The following RDH12 variants were observed in gnomAD, a reference collection of about 807,000 sequenced individuals.
RDH12 encodes retinol dehydrogenase 12, also known as all-trans and 9-cis retinol dehydrogenase.
Under a neutral mutation model 34.0 loss-of-function variants are expected in RDH12, and 21 were observed. The ratio of observed to expected loss-of-function variants is 0.62; its 90% confidence interval spans 0.44 to 0.89. The LOEUF is 0.89. Ranked by LOEUF, RDH12 falls within the 40% of genes least tolerant of loss-of-function variation. The pLI, the probability that RDH12 is intolerant of heterozygous loss-of-function variation, is 0.00. For missense variants in RDH12, 394 were observed against 398.6 expected, an observed-to-expected ratio of 0.99 and a Z score of 0.10; for synonymous variants, 198 against 169.9, an observed-to-expected ratio of 1.17 and a Z score of -1.29.
chr14:67,717,317 C>A (rs1163892368), intron 1 of RDH12, among the ~76,000 whole-genome samples: 2 of 152,148 alleles, frequency 1.3e-5, no homozygotes, highest in Admixed American at 1.3e-4. Context: ...TATGTGTACA[C>A]AGATCCCAGC....
intron 1 of RDH12, among the ~76,000 whole-genome samples, chr14:67,707,349 A>G (rs1021105361): frequency 2.0e-5 from 3 of 152,206 alleles, no homozygotes; most frequent in African/African-American, 7.2e-5. Flanking sequence ...CCAGTTTCCC[A>G]TTTTTACTAA....
At chr14:67,721,702 C>G (rs541262779) in intron 2 of RDH12, among the ~76,000 whole-genome samples, 2 of 150,678 alleles carry the variant, frequency 1.3e-5, no homozygotes, top group African/African-American at 4.9e-5. Context: ...TTTCGTTTTC[C>G]ACCAATGTAA....
At chr14:67,732,129 A>C (rs1478529563) in intron 8 of RDH12, among the ~76,000 whole-genome samples, 13 of 118,314 alleles carry the variant, frequency 1.1e-4, no homozygotes, top group African/African-American at 3.9e-4. Context: ...TCTGTCTCAA[A>C]AAAAAAAAAA....
At chr14:67,722,043 T>G (rs1475230117) in intron 2 of RDH12, among the ~76,000 whole-genome samples, 1 of 152,152 alleles carries the variant, frequency 6.6e-6, no homozygotes, top group Non-Finnish European at 1.5e-5. Context: ...AGCACACCCA[T>G]GTACTAGCAC....
chr14:67,719,799 TAA>T (rs1217481027), intron 1 of RDH12, among the ~76,000 whole-genome samples: 1 of 152,222 alleles, frequency 6.6e-6, no homozygotes, highest in African/African-American at 2.4e-5. Context: ...TTTATTTACT[TAA>T]GTTTTTTATT....
At position 67,715,270 on chromosome 14, in the gene RDH12, TC is replaced by T. The variant is rs2038056758; in HGVS notation, c.-274-5576del. 3 of 152,192 alleles carry T rather than the reference TC, an allele frequency of 2.0e-5. No homozygotes were observed. The South Asian group carries it at 6.2e-4, about 32-fold the overall frequency. 9.4% of individuals were successfully genotyped at this position (152,192 alleles called of 1,614,324 possible). ...TGAATAGACTTCAGGCCCTACAATA[TC>T]CAGATCTACTTCTGATGATGTTTTA... On this transcript the variant is annotated intron_variant, in intron 1 of 8. Coordinates refer to ENST00000551171, the MANE Select transcript of RDH12 (RefSeq NM_152443.3).
Position 67,725,936 on chromosome 14 carries a change from G to C in RDH12, c.344-115G>C, listed in dbSNP as rs7156725. The stretch of plus-strand genomic sequence containing the variant: ...CAGAGCAAGTGACTCCTATCAAAAT[G>C]TTACCCCAACAAAGACAACTAATGA... On this transcript the variant is annotated intron_variant, in intron 5 of 8. Coordinates refer to ENST00000551171, the MANE Select transcript of RDH12 (RefSeq NM_152443.3). 0.98 allele frequency: 778,771 copies of C among 796,322 alleles called. 382,021 individuals are homozygous for C. The highest frequency in any genetic ancestry group is 1 in the East Asian group (40,708 of 40,732). The allele number at this position is 796,322 out of a possible 1,614,324, so 49.3% of individuals were successfully genotyped here.
In RDH12 at chr14:67,732,235, C is replaced by T. The variant is rs558280623; in HGVS notation, c.849-1511C>T. Among the ~76,000 whole-genome samples the T allele has an allele frequency of 7.8e-4, 118 of 151,644 alleles. No homozygotes were observed. In the South Asian group the frequency reaches 0.014, roughly 17 times the overall value. On this transcript the variant is annotated intron_variant, in intron 8 of 8. Coordinates refer to ENST00000551171, the MANE Select transcript of RDH12 (RefSeq NM_152443.3). The stretch of plus-strand genomic sequence containing the variant: ...GAGGATTGCTTGAGCTCGGGAATTC[C>T]ATACCAGCCTGGACAACAAAGTGAG...
chr14:67,730,302 C>T (rs888622816), intron 8 of RDH12, among the ~76,000 whole-genome samples: 23 of 152,174 alleles, frequency 1.5e-4, no homozygotes, highest in African/African-American at 5.6e-4. Flanking sequence ...AGTATGGTAG[C>T]CACTAGCCAC....
rs1377743038 is a variant in RDH12, at chr14:67,729,241, C to G, written c.709C>G (p.Leu237Val). The stretch of plus-strand genomic sequence containing the variant: ...GCACCCAGGCGTCGTCCGCTCTGAG[C>G]TGGTCCGGCACTCCTCCCTGCTCTG... Reference protein sequence around the residue: ...AVHPGVVRSELVRHSSLLCLL... With the variant: ...AVHPGVVRSEVVRHSSLLCLL... Residue 237 changes from leucine (L) to valine (V), a missense_variant, in exon 8 of 9, where the codon CTG (leucine) becomes GTG (valine). Transcript: ENST00000551171. The G allele has an allele frequency of 4.3e-6, 7 of 1,610,556 alleles. No homozygotes were observed. Among genetic ancestry groups the G allele is most frequent in the Non-Finnish European group, 5.9e-6 (7 of 1,180,000 alleles).
chr14:67,727,121 G>T lies in RDH12; in HGVS notation c.589G>T (p.Gly197Cys), dbSNP rs756405179. The T allele has an allele frequency of 2.5e-6, 4 of 1,614,184 alleles. No homozygotes were observed. Among genetic ancestry groups the T allele is most frequent in the Admixed American group, 1.7e-5 (1 of 60,024 alleles). Residue 197 changes from glycine (G) to cysteine (C), a missense_variant, in exon 7 of 9, where the codon GGT (glycine) becomes TGT (cysteine). Coordinates refer to ENST00000551171, the MANE Select transcript of RDH12 (RefSeq NM_152443.3). ...DLQSEKRYSR[G>C]FAYCHSKLAN... ...CCAGAGCGAGAAGCGCTACAGCAGG[G>T]GTTTTGCCTATTGCCACAGCAAGCT...
chr14:67,711,230 G>A (rs12437263), intron 1 of RDH12, among the ~76,000 whole-genome samples: 13,372 of 152,114 alleles, frequency 0.088, 860 homozygotes, highest in East Asian at 0.23. Context: ...ATTTATTAAA[G>A]ATTACACAAG....
rs775937640 is a variant in RDH12 at position 67,727,206 on chromosome 14, G to A, written c.658+16G>A. On this transcript the variant is annotated intron_variant, in intron 7 of 8. Coordinates refer to ENST00000551171, the MANE Select transcript of RDH12 (RefSeq NM_152443.3). ...AGGCTCCAAGGTAAGTCTGGAGAAA[G>A]AGGAATAGCAAAAATGGTCCTCAGA... is the stretch of plus-strand genomic sequence containing the variant. 5 of 1,601,678 alleles carry A rather than the reference G, an allele frequency of 3.1e-6. No individual in the cohort carries two copies. The highest frequency in any genetic ancestry group is 4.3e-6 in the Non-Finnish European group (5 of 1,174,038).
chr14:67,716,218 A>G (rs1045892951), intron 1 of RDH12, among the ~76,000 whole-genome samples: 5 of 151,946 alleles, frequency 3.3e-5, no homozygotes, highest in African/African-American at 1.2e-4. Flanking sequence ...AAAGAAAAGA[A>G]AAAAGAAATT....
chr14:67,715,116 C>T (rs1443892543), intron 1 of RDH12: 1 of 152,284 alleles, frequency 6.6e-6, no homozygotes, highest in East Asian at 1.9e-4. Flanking sequence ...GAAGTGCCAG[C>T]CTTCTCCACT....
intron 8 of RDH12, among the ~76,000 whole-genome samples, chr14:67,730,010 G>C (rs1365240969): frequency 6.6e-6 from 1 of 152,208 alleles, no homozygotes; most frequent in Admixed American, 6.5e-5. Context: ...ATTCCGTGAA[G>C]CACTGGAAAT....
intron 1 of RDH12, among the ~76,000 whole-genome samples, chr14:67,709,119 C>G (rs1211788009): frequency 1.3e-5 from 2 of 152,036 alleles, no homozygotes; most frequent in Non-Finnish European, 2.9e-5. Flanking sequence ...TTAATTAGGT[C>G]AGAAAAAGAC....
rs202126574 is a variant in RDH12 at position 67,726,084 on chromosome 14, C to T, written c.377C>T (p.Ala126Val). Residue 126 changes from alanine (A) to valine (V), a missense_variant, in exon 6 of 9, where the codon GCG (alanine) becomes GTG (valine). Coordinates refer to ENST00000551171, the MANE Select transcript of RDH12 (RefSeq NM_152443.3). Reference sequence around the variant, plus strand: ...CAGCTCCATATTCTGATCAACAATGCGGGAGTAATGATGTGTCCATATTCC... The same window carrying T: ...CAGCTCCATATTCTGATCAACAATGTGGGAGTAATGATGTGTCCATATTCC... ...EKQLHILINNAGVMMCPYSKT... is the reference protein window; with the variant it reads ...EKQLHILINNVGVMMCPYSKT... The T allele has an allele frequency of 8.7e-6, 14 of 1,613,818 alleles. No individual in the cohort carries two copies. The highest frequency in any genetic ancestry group is 6.7e-5 in the East Asian group (3 of 44,870).
intron 1 of RDH12, among the ~76,000 whole-genome samples, chr14:67,709,701 T>A (rs1468135845): frequency 6.6e-6 from 1 of 152,204 alleles, no homozygotes; most frequent in Non-Finnish European, 1.5e-5. Context: ...TGGCATCTTC[T>A]ACCAGGCCTG....
Sources: allele counts gnomAD v4.1 joint callset (sites outside exome capture counted in the v4.1 genomes callset), GRCh38; gene constraint gnomAD v4.1.1; transcripts MANE v1.5; gene names NCBI Gene and HGNC (gene_info 2026-07-23, HGNC 2026-07-21).